Variants in GDAP1 observed in about 807,000 individuals in gnomAD.
GDAP1 encodes ganglioside-induced differentiation-associated protein 1.
A neutral mutation model predicts 40.1 loss-of-function variants in GDAP1; 34 were observed. That is an observed-to-expected ratio of 0.85 (90% CI 0.64 to 1.13). The LOEUF is 1.13. GDAP1 is among the 50% of genes most tolerant of loss of function. GDAP1 has a pLI of 0.00. For missense variants in GDAP1, 374 were observed against 433.7 expected (o/e 0.86, Z 1.22); for synonymous variants, 170 against 157.4 (o/e 1.08, Z -0.60).
intron 2 of GDAP1, among the ~76,000 whole-genome samples, chr8:74,484,990 C>G (rs1297066826): frequency 1.3e-5 from 2 of 152,070 alleles, no homozygotes; most frequent in Non-Finnish European, 2.9e-5. Context: ...CAAGTTTATC[C>G]TTTACCATTT....
At chr8:74,352,380 A>T (rs1336488056) in intron 2 of GDAP1, among the ~76,000 whole-genome samples, 2 of 151,008 alleles carry the variant, frequency 1.3e-5, no homozygotes, top group African/African-American at 4.9e-5. Flanking sequence ...TGAGATTGTT[A>T]CTTTTCATCT....
intron 2 of GDAP1, among the ~76,000 whole-genome samples, chr8:74,448,004 A>T (rs1313711033): frequency 1.3e-5 from 2 of 152,208 alleles, no homozygotes; most frequent in Non-Finnish European, 2.9e-5. Flanking sequence ...AGGGATATTC[A>T]ACCTGCAGCA....
At chr8:74,439,036 A>ATGTG (rs35345122) in intron 2 of GDAP1, among the ~76,000 whole-genome samples, 1,777 of 150,130 alleles carry the variant, frequency 0.012, 33 homozygotes, top group African/African-American at 0.033. Flanking sequence ...GTGTATATAT[A>ATGTG]TGTGTGTGTG....
intron 2 of GDAP1, among the ~76,000 whole-genome samples, chr8:74,469,590 C>A (rs1014245764): frequency 1.5e-4 from 22 of 151,682 alleles, no homozygotes; most frequent in Non-Finnish European, 2.8e-4. Flanking sequence ...ATGGCGTGAA[C>A]CCCGGGGAGC....
At position 74,362,980 on chromosome 8, in the gene GDAP1, A is replaced by G; in HGVS notation, c.621A>G (p.Lys207=). ...LDHDNVKYLK[K]ILDELEKVLD... is the part of the protein sequence containing the mutation. ...ATGACAATGTCAAGTATTTGAAGAA[A>G]ATTCTTGATGAGTTGGAGAAAGTCT... The change falls in exon 5 of 6, where the codon AAA becomes AAG. Residue 207 remains lysine, a synonymous_variant. Transcript: ENST00000220822. 4 of 1,593,592 alleles carry G rather than the reference A, an allele frequency of 2.5e-6. No homozygotes were observed. Among genetic ancestry groups the G allele is most frequent in the Non-Finnish European group, 3.4e-6 (4 of 1,161,642 alleles).
chr8:74,479,774 A>C (rs886736393), intron 2 of GDAP1, among the ~76,000 whole-genome samples: 19 of 152,250 alleles, frequency 1.2e-4, no homozygotes, highest in Non-Finnish European at 2.5e-4. Context: ...TTGCTAGGCC[A>C]AAAATCCTTC....
At chr8:74,416,585 A>G (rs1180439463) in intron 2 of GDAP1, among the ~76,000 whole-genome samples, 7 of 150,294 alleles carry the variant, frequency 4.7e-5, no homozygotes, top group Admixed American at 6.5e-5. Context: ...AAGGCTATTT[A>G]TAACCAAGGA....
intron 2 of GDAP1, among the ~76,000 whole-genome samples, chr8:74,402,689 C>G (rs1488823392): frequency 6.7e-6 from 1 of 150,252 alleles, no homozygotes; most frequent in African/African-American, 2.5e-5. Context: ...CCTATTCGGC[C>G]ATCTTGGCTC....
chr8:74,460,275 A>G (rs1195266510), intron 2 of GDAP1, among the ~76,000 whole-genome samples: 1 of 152,200 alleles, frequency 6.6e-6, no homozygotes, highest in East Asian at 1.9e-4. Context: ...GCATTTGTTG[A>G]TAAAGGAGAA....
At chr8:74,414,384 G>A (rs12548001) in intron 2 of GDAP1, among the ~76,000 whole-genome samples, 54,441 of 149,532 alleles carry the variant, frequency 0.36, 11,041 homozygotes, top group Middle Eastern at 0.45. Flanking sequence ...AACACTACTC[G>A]AATAAGAGCA....
intron 2 of GDAP1, among the ~76,000 whole-genome samples, chr8:74,478,475 G>A (rs566602630): frequency 6.6e-6 from 1 of 152,180 alleles, no homozygotes; most frequent in East Asian, 1.9e-4. Context: ...GAGCTATGAT[G>A]TGGGCCCCCA....
intron 2 of GDAP1, among the ~76,000 whole-genome samples, chr8:74,413,065 C>CAAAAAAA (rs71269990): frequency 0.014 from 797 of 57,072 alleles, 147 homozygotes; most frequent in African/African-American, 0.024. Flanking sequence ...GACTCTGTCT[C>CAAAAAAA]AAAAAAAAAA....
intron 2 of GDAP1, among the ~76,000 whole-genome samples, chr8:74,437,189 A>G (rs1806103383): frequency 6.6e-6 from 1 of 152,214 alleles, no homozygotes; most frequent in African/African-American, 2.4e-5. Context: ...TTTTATTGCT[A>G]CAAATCCTGT....
At position 74,399,539 on chromosome 8, in the gene GDAP1, C is replaced by G. The variant is rs937448748; in HGVS notation, c.165+48218C>G. 3.4e-4 allele frequency among the ~76,000 whole-genome samples: 50 copies of G among 145,858 alleles called. 1 individual carries two copies. In the East Asian group the frequency reaches 8.2e-3, roughly 24 times the overall value. On this transcript the variant is annotated intron_variant, in intron 2 of 2. Transcript: ENST00000523640. ...TAATTTTTTGAAGGGTTTTTTGTGT[C>G]TCTATTTCCTTCAGTTCTGCTCTGA...
At chr8:74,446,060 A>T (rs1806222408) in intron 2 of GDAP1, among the ~76,000 whole-genome samples, 1 of 152,184 alleles carries the variant, frequency 6.6e-6, no homozygotes, top group South Asian at 2.1e-4. Context: ...CAAAATAGCA[A>T]ACATACCCTT....
At chr8:74,434,097 A>G (rs1586833934) in intron 2 of GDAP1, among the ~76,000 whole-genome samples, 1 of 152,330 alleles carries the variant, frequency 6.6e-6, no homozygotes, top group Middle Eastern at 3.4e-3. Context: ...TCATTCTAGC[A>G]AATTATTAAA....
intron 2 of GDAP1, among the ~76,000 whole-genome samples, chr8:74,415,342 C>T (rs1805764615): frequency 1.3e-5 from 2 of 150,096 alleles, no homozygotes; most frequent in Admixed American, 1.3e-4. Flanking sequence ...AGAAGAAAAG[C>T]ATGAAACTGG....
chr8:74,350,722 G>A (rs1041108776), intron 1 of GDAP1, 144 bp downstream of exon 1: 2 of 715,678 alleles, frequency 2.8e-6, no homozygotes, highest in Admixed American at 3.9e-5. Flanking sequence ...CCCTCCAGGC[G>A]GGGACGCGCC....
intron 2 of GDAP1, among the ~76,000 whole-genome samples, chr8:74,415,814 T>C (rs1805770758): frequency 6.7e-6 from 1 of 149,842 alleles, no homozygotes; most frequent in African/African-American, 2.5e-5. Flanking sequence ...CAGTCACTGG[T>C]TGAGAGAAAC....
Sources: gnomAD v4.1 joint callset for allele counts (sites outside exome capture counted in the v4.1 genomes callset) on GRCh38, gnomAD v4.1.1 for gene constraint, MANE v1.5 for transcripts, NCBI Gene and HGNC (gene_info 2026-07-23, HGNC 2026-07-21) for gene names.